TICRR: variants seen among roughly 807,000 people sequenced by gnomAD.
The protein encoded by TICRR is TOPBP1 interacting checkpoint and replication regulator, also known as treslin.
TICRR carries 132 observed loss-of-function variants against 178.1 expected under a neutral mutation model. That is an observed-to-expected ratio of 0.74 (90% confidence interval 0.64 to 0.86). The LOEUF is 0.86. Ranked by LOEUF, TICRR falls within the 40% of genes least tolerant of loss-of-function variation. TICRR has a pLI of 0.00. For missense variants in TICRR, 2,587 were observed against 2,334.3 expected, an observed-to-expected ratio of 1.11 and a Z score of -2.23; for synonymous variants, 991 against 900.7, an observed-to-expected ratio of 1.10 and a Z score of -1.79.
chr15:89,620,016 C>G (rs910051777), intron 18 of TICRR, among the ~76,000 whole-genome samples, 174 bp downstream of exon 18: 6 of 152,158 alleles, frequency 3.9e-5, no homozygotes, highest in African/African-American at 1.4e-4. Context: ...ACTTTGTAAT[C>G]AGTCATCCCT....
chr15:89,627,088 C>G lies in TICRR; in HGVS notation c.*2C>G. ...GGAACCTGGCTGGAGGACTTATAGC[C>G]ACAAACATTACTGAGCCCAAAAGAT... On this transcript the variant is annotated 3_prime_UTR_variant, in exon 22 of 22. Coordinates refer to ENST00000268138, the MANE Select transcript of TICRR (RefSeq NM_152259.4). 6.2e-7 allele frequency: 1 copy of G among 1,613,946 alleles called. No individual in the cohort carries two copies. Among genetic ancestry groups the G allele is most frequent in the South Asian group, 1.1e-5 (1 of 91,070 alleles).
At chr15:89,609,546 C>T (rs913310671) in intron 15 of TICRR, among the ~76,000 whole-genome samples, 2 of 152,268 alleles carry the variant, frequency 1.3e-5, no homozygotes, top group Middle Eastern at 3.4e-3. Context: ...GTGATCTTGG[C>T]TCACTGCAAC....
intron 1 of TICRR, among the ~76,000 whole-genome samples, chr15:89,581,579 C>G (rs555343718): frequency 6.6e-6 from 1 of 152,140 alleles, no homozygotes; most frequent in Non-Finnish European, 1.5e-5. Flanking sequence ...TCAGCAAAAA[C>G]AGGGAAGCCT....
chr15:89,614,476 T>G (rs1026731640), intron 15 of TICRR, among the ~76,000 whole-genome samples: 8 of 151,988 alleles, frequency 5.3e-5, no homozygotes, highest in African/African-American at 1.9e-4. Flanking sequence ...ACTAAAGGCA[T>G]GCACCACCAC....
In TICRR at chr15:89,626,050, A is replaced by G. The variant is rs571941291; in HGVS notation, c.5591A>G (p.Lys1864Arg). The G allele has an allele frequency of 4.5e-5, 73 of 1,613,886 alleles. No individual in the cohort carries two copies. The South Asian group carries it at 6.6e-4, about 15-fold the overall frequency. The change falls in exon 21 of 22, where the codon AAA (lysine) becomes AGA (arginine). Residue 1864 changes from lysine (K) to arginine (R), a missense_variant. Lys to Arg is a conservative substitution (Grantham distance 26). Transcript: ENST00000268138. ...GGGAAAACACCTTCCTCTCAGAGCAAAGACCCCAGAGGTAATGTTTGTTGA... is the reference window on the plus strand; with the variant it reads ...GGGAAAACACCTTCCTCTCAGAGCAGAGACCCCAGAGGTAATGTTTGTTGA... ...FQGKTPSSQS[K>R]DPRDEDVDVL...
intron 7 of TICRR, among the ~76,000 whole-genome samples, chr15:89,599,067 A>G (rs1963048325): frequency 1.3e-5 from 2 of 152,006 alleles, no homozygotes. Context: ...TCTCTGGACT[A>G]TTGACATTTT....
Position 89,585,751 on chromosome 15 carries a change from G to T in TICRR, c.1220G>T (p.Gly407Val). The T allele has an allele frequency of 6.2e-7, 1 of 1,614,116 alleles. No homozygotes were observed. The highest frequency in any genetic ancestry group is 8.5e-7 in the Non-Finnish European group (1 of 1,180,024). ...DPGEGRPPITGVISPLSASAM... is the reference protein window; with the variant it reads ...DPGEGRPPITVVISPLSASAM... ...GGTGAAGGCCGGCCCCCCATCACTG[G>T]AGTTATTTCCCCACTCTCTGCCAGT... The change falls in exon 4 of 22, where the codon GGA becomes GTA. Residue 407 changes from glycine (G) to valine (V), a missense_variant. Physicochemically the swap from Gly to Val is moderately radical, Grantham distance 109. Transcript: ENST00000268138.
chr15:89,594,295 A>G (rs1352682653), intron 5 of TICRR, 120 bp from the exon 6 acceptor site: 1 of 788,152 alleles, frequency 1.3e-6, no homozygotes. Context: ...TTTTGAAGGC[A>G]TCTTGTGGGG....
rs150284047 is a variant in TICRR at position 89,625,123 on chromosome 15, C to G, written c.4813C>G (p.Leu1605Val). The G allele has an allele frequency of 2.7e-4, 435 of 1,613,994 alleles. 1 individual carries two copies. Among genetic ancestry groups the G allele is most frequent in the Non-Finnish European group, 3.5e-4 (408 of 1,180,006 alleles). ...SLGEESFLPALSMPRASRSLS... is the reference protein window; with the variant it reads ...SLGEESFLPAVSMPRASRSLS... ...GGGAGAAGAGAGCTTCCTCCCTGCTCTCAGCATGCCCAGGGCCAGCAGGTC... is the reference window on the plus strand; with the variant it reads ...GGGAGAAGAGAGCTTCCTCCCTGCTGTCAGCATGCCCAGGGCCAGCAGGTC... The change falls in exon 20 of 22, where the codon CTC becomes GTC. Residue 1605 changes from leucine (L) to valine (V), a missense_variant. Transcript: ENST00000268138.
intron 4 of TICRR, among the ~76,000 whole-genome samples, chr15:89,587,627 A>G (rs748328827): frequency 2.0e-5 from 3 of 152,134 alleles, no homozygotes; most frequent in Non-Finnish European, 4.4e-5. Flanking sequence ...GTTATTTACT[A>G]CTGACAGGCC....
intron 4 of TICRR, among the ~76,000 whole-genome samples, chr15:89,588,483 G>C (rs1962857693): frequency 6.6e-6 from 1 of 152,166 alleles, no homozygotes; most frequent in East Asian, 1.9e-4. Context: ...AACGAGGCAG[G>C]GTAAGGAGGG....
At position 89,626,061 on chromosome 15, in the gene TICRR, G is replaced by T. The variant is rs1963519265; in HGVS notation, c.5602G>T (p.Asp1868Tyr). The change falls in exon 21 of 22, where the codon GAT (aspartate) becomes TAT (tyrosine). Residue 1868 changes from aspartate (D) to tyrosine (Y), a missense_variant and splice_region_variant. By Grantham distance (160) the Asp-to-Tyr change is radical. Coordinates refer to ENST00000268138, the MANE Select transcript of TICRR (RefSeq NM_152259.4). Reference sequence around the variant, plus strand: ...TTCCTCTCAGAGCAAAGACCCCAGAGGTAATGTTTGTTGAAGGTCTAGGAC... The same window carrying T: ...TTCCTCTCAGAGCAAAGACCCCAGATGTAATGTTTGTTGAAGGTCTAGGAC... ...TPSSQSKDPRDEDVDVLPSTV... is the reference protein window; with the variant it reads ...TPSSQSKDPRYEDVDVLPSTV... 1 of 1,613,632 alleles carries T rather than the reference G, an allele frequency of 6.2e-7. No homozygotes were observed. Among genetic ancestry groups the T allele is most frequent in the Non-Finnish European group, 8.5e-7 (1 of 1,179,866 alleles).
chr15:89,624,442 C>T lies in TICRR; in HGVS notation c.4132C>T (p.Pro1378Ser), dbSNP rs551579638. 4 of 1,614,194 alleles carry T rather than the reference C, an allele frequency of 2.5e-6. No homozygotes were observed. The highest frequency in any genetic ancestry group is 3.3e-4 in the Middle Eastern group (2 of 6,062). ...ATTGGACACCGTCCCTCCTCCACCC[C>T]CTTCTAAAGTTGGGAAACGGTGTAG... The part of the protein sequence containing the change: ...ATLDTVPPPP[P>S]SKVGKRCRKT... Residue 1378 changes from proline (P) to serine (S), a missense_variant, in exon 20 of 22, where the codon CCT (proline) becomes TCT (serine). Coordinates refer to ENST00000268138, the MANE Select transcript of TICRR (RefSeq NM_152259.4).
At chr15:89,608,578 C>T (rs1238264850) in intron 14 of TICRR, among the ~76,000 whole-genome samples, 1 of 152,144 alleles carries the variant, frequency 6.6e-6, no homozygotes, top group East Asian at 1.9e-4. Flanking sequence ...GGACCCCTAC[C>T]TCATGCAAAA....
chr15:89,626,003 C>A lies in TICRR; in HGVS notation c.5544C>A (p.Thr1848=). ...CLSASALQAL[T]QSPLLFQGKT... ...CTGCCAGTGCCCTCCAGGCTCTGAC[C>A]CAGTCTCCGCTGCTGTTCCAGGGGA... is the stretch of plus-strand genomic sequence containing the variant. The change falls in exon 21 of 22, where the codon ACC becomes ACA. Residue 1848 remains threonine (T), a synonymous_variant. Transcript: ENST00000268138. The A allele has an allele frequency of 6.2e-7, 1 of 1,612,048 alleles. No homozygotes were observed. The highest frequency in any genetic ancestry group is 8.5e-7 in the Non-Finnish European group (1 of 1,179,054).
Position 89,627,153 on chromosome 15 carries a change from G to A in TICRR, c.*67G>A. 1 of 1,593,974 alleles carries A rather than the reference G, an allele frequency of 6.3e-7. No homozygotes were observed. The highest frequency in any genetic ancestry group is 8.6e-7 in the Non-Finnish European group (1 of 1,167,914). On this transcript the variant is annotated 3_prime_UTR_variant, in exon 22 of 22. Transcript: ENST00000268138. ...GGACCCTGTGGACATAAAGAAGTTG[G>A]ATGCCTGGTCCCAAGCCTCTTTTGC...
chr15:89,601,275 A>G, intron 9 of TICRR, 23 bp from the exon 10 acceptor site: 1 of 1,608,936 alleles, frequency 6.2e-7, no homozygotes, highest in Non-Finnish European at 8.5e-7. Context: ...AGTAGATATG[A>G]CCAAGTATTT....
intron 13 of TICRR, among the ~76,000 whole-genome samples, chr15:89,606,320 G>A (rs1963174877): frequency 6.6e-6 from 1 of 152,134 alleles, no homozygotes; most frequent in Non-Finnish European, 1.5e-5. Context: ...GATGTTTTTG[G>A]ATTTTGGAAC....
Position 89,595,627 on chromosome 15 carries a change from TA to T in TICRR, c.1900+17del. On this transcript the variant is annotated intron_variant, in intron 7 of 21. Coordinates refer to ENST00000268138, the MANE Select transcript of TICRR (RefSeq NM_152259.4). ...AAACCTAAAGGTATTCCTCTTAGTC[TA>T]TAATTTACTCTTTTATACCCCGCTT... 6.3e-7 allele frequency: 1 copy of T among 1,594,384 alleles called. No homozygotes were observed. The highest frequency in any genetic ancestry group is 8.6e-7 in the Non-Finnish European group (1 of 1,164,916).
Sources: allele counts gnomAD v4.1 joint callset (sites outside exome capture counted in the v4.1 genomes callset), GRCh38; gene constraint gnomAD v4.1.1; transcripts MANE v1.5; gene names NCBI Gene and HGNC (gene_info 2026-07-23, HGNC 2026-07-21).